Variants in ERICH6B observed in about 807,000 individuals in gnomAD.
The protein encoded by ERICH6B is glutamate-rich protein 6B.
ERICH6B carries 69 observed loss-of-function variants against 80.0 expected under a neutral mutation model. That is an observed-to-expected ratio of 0.86 (90% CI 0.71 to 1.05). ERICH6B has a LOEUF of 1.05. Ranked by LOEUF, ERICH6B falls within the 50% of genes least tolerant of loss-of-function variation. The probability of loss-of-function intolerance (pLI) is 0.00; values close to 1 mark genes in which losing one functional copy is unlikely to be tolerated. For synonymous variants in ERICH6B, 283 were observed against 291.9 expected, an observed-to-expected ratio of 0.97 and a Z score of 0.31; for missense variants, 754 against 796.1, an observed-to-expected ratio of 0.95 and a Z score of 0.64.
rs34244794 is a variant in ERICH6B, at chr13:45,577,276, CTTTTTTT to C, written c.962-2353_962-2347del. The stretch of plus-strand genomic sequence containing the variant: ...TCTCCTGGACTGATTAAAAACAAAT[CTTTTTTT>C]TTTTTTTTTTTTTTTTTTTGAGACG... On this transcript the variant is annotated intron_variant, in intron 7 of 14. Coordinates refer to ENST00000298738, the MANE Select transcript of ERICH6B (RefSeq NM_182542.3). Among the ~76,000 whole-genome samples, 14 of 86,092 alleles carry C rather than the reference CTTTTTTT, an allele frequency of 1.6e-4. No individual in the cohort carries two copies. The South Asian group carries it at 5.4e-3, about 33-fold the overall frequency. The allele number at this position is 86,092 out of a possible 152,430, so 56.5% of individuals were successfully genotyped here.
chr13:45,547,767 A>T (rs891390500), intron 13 of ERICH6B, among the ~76,000 whole-genome samples: 3 of 152,100 alleles, frequency 2.0e-5, no homozygotes, highest in African/African-American at 7.2e-5. Flanking sequence ...GTACAAGCTG[A>T]TATAAACTTT....
At chr13:45,560,937 G>A (rs1183116212) in intron 11 of ERICH6B, among the ~76,000 whole-genome samples, 1 of 151,986 alleles carries the variant, frequency 6.6e-6, no homozygotes, top group East Asian at 1.9e-4. Context: ...TTAGAGGCGG[G>A]GTCTTGCTAT....
intron 1 of ERICH6B, among the ~76,000 whole-genome samples, chr13:45,610,411 C>T (rs1311757834): frequency 6.6e-6 from 1 of 152,156 alleles, no homozygotes; most frequent in Non-Finnish European, 1.5e-5. Flanking sequence ...TTGAAAATCC[C>T]TAACTTCCAA....
intron 8 of ERICH6B, among the ~76,000 whole-genome samples, chr13:45,570,883 G>A (rs1875130926): frequency 7.4e-6 from 1 of 135,024 alleles, no homozygotes; most frequent in South Asian, 2.4e-4. Context: ...GGTTCCATAT[G>A]GCATTCACTC....
Position 45,549,292 on chromosome 13 carries a change from A to T in ERICH6B, c.1646+601T>A, listed in dbSNP as rs1593772731. The stretch of plus-strand genomic sequence containing the variant: ...GAGCAGACTCCGTCACAAAAAAAAA[A>T]AAAAGTATATATAAGTCCCCACACC... On this transcript the variant is annotated intron_variant, in intron 13 of 14. Coordinates refer to ENST00000298738, the MANE Select transcript of ERICH6B (RefSeq NM_182542.3). Among the ~76,000 whole-genome samples, 6 of 152,228 alleles carry T rather than the reference A, an allele frequency of 3.9e-5. No individual in the cohort carries two copies. In the South Asian group the frequency reaches 1.2e-3, roughly 32 times the overall value.
intron 1 of ERICH6B, among the ~76,000 whole-genome samples, chr13:45,610,618 A>G (rs1949894168): frequency 6.6e-6 from 1 of 152,218 alleles, no homozygotes. Context: ...TACATGGTGC[A>G]GTCTATTGCT....
chr13:45,544,996 A>G lies in ERICH6B; in HGVS notation c.1647-11T>C, dbSNP rs956737398. 6.5e-7 allele frequency: 1 copy of G among 1,548,378 alleles called. No individual in the cohort carries two copies. The highest frequency in any genetic ancestry group is 8.7e-7 in the Non-Finnish European group (1 of 1,145,592). On this transcript the variant is annotated splice_polypyrimidine_tract_variant and intron_variant, in intron 13 of 14. Coordinates refer to ENST00000298738, the MANE Select transcript of ERICH6B (RefSeq NM_182542.3). ...GAGCTCAGGTTCAACCTGGACCAGG[A>G]GAAAGCATGTCAGGCAGCCAGGGCG...
chr13:45,582,262 A>G (rs1216682093), intron 5 of ERICH6B, among the ~76,000 whole-genome samples: 2 of 152,212 alleles, frequency 1.3e-5, no homozygotes, highest in Admixed American at 1.3e-4. Context: ...TGGCACTCCA[A>G]TGCAGGGCAC....
At chr13:45,570,392 G>A (rs1035437081) in intron 8 of ERICH6B, among the ~76,000 whole-genome samples, 2 of 152,186 alleles carry the variant, frequency 1.3e-5, no homozygotes, top group Admixed American at 1.3e-4. Flanking sequence ...GAGCCCAGGA[G>A]TTTGAGACCA....
intron 14 of ERICH6B, among the ~76,000 whole-genome samples, chr13:45,542,901 C>T (rs1420289243): frequency 6.6e-6 from 1 of 152,252 alleles, no homozygotes. Context: ...ACTCCTCAGT[C>T]CTGAGCAAAC....
chr13:45,577,760 T>C (rs1416321932), intron 7 of ERICH6B, among the ~76,000 whole-genome samples: 2 of 152,196 alleles, frequency 1.3e-5, no homozygotes, highest in African/African-American at 4.8e-5. Flanking sequence ...GCCTGATTAA[T>C]TTTTAAATTT....
intron 7 of ERICH6B, among the ~76,000 whole-genome samples, chr13:45,576,770 G>A (rs1381893281): frequency 2.6e-5 from 4 of 151,998 alleles, no homozygotes; most frequent in Admixed American, 6.6e-5. Context: ...TGTTTATTAC[G>A]GGAATAAGGT....
At chr13:45,599,009 G>T (rs1042694128) in intron 2 of ERICH6B, among the ~76,000 whole-genome samples, 1 of 152,230 alleles carries the variant, frequency 6.6e-6, no homozygotes, top group Non-Finnish European at 1.5e-5. Flanking sequence ...TCTCCATCTG[G>T]CCCAAGCCTG....
chr13:45,563,397 G>T (rs1462189507), intron 10 of ERICH6B, among the ~76,000 whole-genome samples: 2 of 152,138 alleles, frequency 1.3e-5, no homozygotes, highest in Non-Finnish European at 2.9e-5. Flanking sequence ...AAGGAGCTCT[G>T]ATCTGAGAAC....
intron 8 of ERICH6B, among the ~76,000 whole-genome samples, chr13:45,570,777 A>T (rs1026591067): frequency 6.6e-6 from 1 of 150,680 alleles, no homozygotes; most frequent in South Asian, 2.1e-4. Context: ...TGCAGGTTCC[A>T]TATGGCATTC....
chr13:45,569,119 T>C (rs1182746561), intron 8 of ERICH6B, among the ~76,000 whole-genome samples: 1 of 152,150 alleles, frequency 6.6e-6, no homozygotes, highest in African/African-American at 2.4e-5. Context: ...AAAGTAATGA[T>C]GTTACAAGGT....
intron 3 of ERICH6B, among the ~76,000 whole-genome samples, chr13:45,593,797 T>C (rs2138018500): frequency 6.6e-6 from 1 of 152,380 alleles, no homozygotes; most frequent in Non-Finnish European, 1.5e-5. Flanking sequence ...TCTTTGCTGC[T>C]GAGCCCAGAC....
chr13:45,586,893 G>A (rs1358755888), intron 5 of ERICH6B, among the ~76,000 whole-genome samples, 170 bp downstream of exon 5: 2 of 152,158 alleles, frequency 1.3e-5, no homozygotes, highest in South Asian at 4.1e-4. Context: ...GGCTAGGAGA[G>A]GAGTTAACAT....
intron 5 of ERICH6B, among the ~76,000 whole-genome samples, chr13:45,582,990 A>G (rs1299843585): frequency 6.6e-6 from 1 of 152,172 alleles, no homozygotes; most frequent in Admixed American, 6.5e-5. Context: ...ACTTCCCACA[A>G]TTCCTCAAAA....
Sources: gnomAD v4.1 joint callset for allele counts (sites outside exome capture counted in the v4.1 genomes callset) on GRCh38, gnomAD v4.1.1 for gene constraint, MANE v1.5 for transcripts, NCBI Gene and HGNC (gene_info 2026-07-23, HGNC 2026-07-21) for gene names.